Variants in ARHGEF4 observed in about 807,000 individuals in gnomAD.
The protein encoded by ARHGEF4 is APC-stimulated guanine nucleotide exchange factor 1.
Under a neutral mutation model 162.0 loss-of-function variants are expected in ARHGEF4, and 119 were observed. The observed-to-expected ratio is 0.73, with a 90% CI of 0.63 to 0.86. The LOEUF (loss-of-function observed/expected upper bound fraction) is 0.86, where lower values mean the gene tolerates loss of function less well. ARHGEF4 is among the 40% of genes least tolerant of loss of function. The pLI is 0.00. For synonymous variants in ARHGEF4, 1,014 were observed against 979.9 expected (o/e 1.03, Z -0.65); for missense variants, 2,488 against 2,456.0 (o/e 1.01, Z -0.28).
At chr2:130,867,243 T>TTA (rs1491190973) in intron 1 of ARHGEF4, among the ~76,000 whole-genome samples, 4 of 138,658 alleles carry the variant, frequency 2.9e-5, no homozygotes, top group African/African-American at 9.1e-5. Context: ...ATTATTATTA[T>TTA]TTTTTTTTTT....
At chr2:130,945,362 C>G (rs1482221250) in intron 3 of ARHGEF4, among the ~76,000 whole-genome samples, 1 of 152,130 alleles carries the variant, frequency 6.6e-6, no homozygotes, top group Non-Finnish European at 1.5e-5. Flanking sequence ...CAAGGATTCT[C>G]TCCCATGCCC....
At chr2:130,897,425 A>G (rs1359799166) in intron 1 of ARHGEF4, among the ~76,000 whole-genome samples, 8 of 152,290 alleles carry the variant, frequency 5.3e-5, no homozygotes, top group Admixed American at 3.3e-4. Flanking sequence ...TCCCATGCGC[A>G]GTCTAGTCTG....
intron 1 of ARHGEF4, among the ~76,000 whole-genome samples, chr2:130,856,241 G>C (rs1242356113): frequency 6.6e-6 from 1 of 152,202 alleles, no homozygotes; most frequent in Non-Finnish European, 1.5e-5. Context: ...CAGAGGGGCT[G>C]AACAGTAGAT....
At chr2:130,852,081 T>C (rs1681452311) in intron 1 of ARHGEF4, among the ~76,000 whole-genome samples, 1 of 152,228 alleles carries the variant, frequency 6.6e-6, no homozygotes, top group South Asian at 2.1e-4. Flanking sequence ...AGATGAGCCA[T>C]TCCAACTTCA....
At chr2:130,942,211 G>A (rs1017562636) in intron 3 of ARHGEF4, among the ~76,000 whole-genome samples, 15 of 142,766 alleles carry the variant, frequency 1.1e-4, no homozygotes, top group African/African-American at 3.8e-4. Context: ...GTGCAGTGGT[G>A]TGATACCAGC....
chr2:131,038,714 T>G, intron 5 of ARHGEF4, 139 bp from the exon 6 acceptor site: 1 of 913,224 alleles, frequency 1.1e-6, no homozygotes, highest in Non-Finnish European at 1.6e-6. Flanking sequence ...CCTGCTCCTG[T>G]CAGAGGCAGC....
chr2:130,962,860 C>G (rs951463492), intron 4 of ARHGEF4, among the ~76,000 whole-genome samples: 2 of 152,192 alleles, frequency 1.3e-5, no homozygotes, highest in Admixed American at 1.3e-4. Context: ...CCCTGATTAG[C>G]CGCTATCACG....
At chr2:130,870,192 C>G (rs1559010305) in intron 1 of ARHGEF4, among the ~76,000 whole-genome samples, 1 of 152,152 alleles carries the variant, frequency 6.6e-6, no homozygotes, top group Admixed American at 6.5e-5. Context: ...GTTGCTTTTC[C>G]CTCTTGTGGC....
At chr2:130,948,565 A>G (rs1336668716) in intron 4 of ARHGEF4, among the ~76,000 whole-genome samples, 3 of 152,300 alleles carry the variant, frequency 2.0e-5, no homozygotes, top group African/African-American at 4.8e-5. Context: ...ATATTTTCCT[A>G]TTATTTCAGT....
At chr2:130,922,548 T>C (rs7577917) in intron 2 of ARHGEF4, among the ~76,000 whole-genome samples, 34,535 of 151,966 alleles carry the variant, frequency 0.23, 6,869 homozygotes, top group African/African-American at 0.54. Flanking sequence ...GGAATTCTCA[T>C]TGGTTTATGG....
intron 5 of ARHGEF4, among the ~76,000 whole-genome samples, chr2:131,032,183 G>T (rs1008853016): frequency 6.6e-6 from 1 of 151,972 alleles, no homozygotes; most frequent in African/African-American, 2.4e-5. Context: ...GCACTGATAG[G>T]CATCAGGCTC....
chr2:131,036,773 C>T (rs1023935289), intron 5 of ARHGEF4, among the ~76,000 whole-genome samples: 6 of 152,180 alleles, frequency 3.9e-5, no homozygotes, highest in South Asian at 2.1e-4. Context: ...TTGAGTGTGT[C>T]GGGTCACCTC....
At chr2:130,918,846 CT>C (rs908757920) in intron 2 of ARHGEF4, among the ~76,000 whole-genome samples, 2 of 152,158 alleles carry the variant, frequency 1.3e-5, no homozygotes, top group African/African-American at 4.8e-5. Context: ...GGGAGGGTTA[CT>C]TTTTTTCGTT....
chr2:130,941,619 T>C (rs924470685), intron 3 of ARHGEF4, among the ~76,000 whole-genome samples: 10 of 152,170 alleles, frequency 6.6e-5, no homozygotes, highest in African/African-American at 2.4e-4. Context: ...TAAGATATTA[T>C]AAGTAGTATA....
At chr2:130,920,212 A>C (rs1375828139) in intron 2 of ARHGEF4, among the ~76,000 whole-genome samples, 1 of 152,134 alleles carries the variant, frequency 6.6e-6, no homozygotes, top group East Asian at 1.9e-4. Flanking sequence ...AGGCTCAAGC[A>C]ATCCTCTTGC....
intron 4 of ARHGEF4, among the ~76,000 whole-genome samples, chr2:130,991,594 C>T (rs1444841868): frequency 6.6e-6 from 1 of 152,244 alleles, no homozygotes; most frequent in East Asian, 1.9e-4. Context: ...CCCGGGCCAG[C>T]GGCTGCAGAG....
chr2:130,841,334 G>T (rs935543971), intron 1 of ARHGEF4, among the ~76,000 whole-genome samples: 1 of 150,920 alleles, frequency 6.6e-6, no homozygotes, highest in Non-Finnish European at 1.5e-5. Flanking sequence ...AAAGTGCTGG[G>T]ATTACAAGCA....
chr2:130,924,829 C>G (rs575694664), intron 2 of ARHGEF4, among the ~76,000 whole-genome samples: 2 of 152,268 alleles, frequency 1.3e-5, no homozygotes, highest in East Asian at 3.9e-4. Context: ...AATACCCACT[C>G]TGACCTGACG....
chr2:130,998,126 A>G (rs2105302396), intron 4 of ARHGEF4, among the ~76,000 whole-genome samples: 1 of 152,356 alleles, frequency 6.6e-6, no homozygotes, highest in South Asian at 2.1e-4. Context: ...TTCTACATGC[A>G]AATCACAAGT....
Sources: allele counts gnomAD v4.1 joint callset (sites outside exome capture counted in the v4.1 genomes callset), GRCh38; gene constraint gnomAD v4.1.1; transcripts MANE v1.5; gene names NCBI Gene and HGNC (gene_info 2026-07-23, HGNC 2026-07-21).